Variants in SYNJ2BP observed in about 807,000 individuals in gnomAD.
SYNJ2BP encodes synaptojanin 2 binding protein.
In SYNJ2BP, 10 loss-of-function variants were observed where a neutral mutation model predicts 16.9. The observed-to-expected ratio is 0.59, with a 90% CI of 0.36 to 1.00. The LOEUF is 1.00. Among genes scored for constraint, SYNJ2BP ranks in the 50% least tolerant of loss-of-function variants. The probability of loss-of-function intolerance (pLI) is 0.01; values close to 1 mark genes in which losing one functional copy is unlikely to be tolerated. For synonymous variants in SYNJ2BP, 54 were observed against 68.4 expected, an observed-to-expected ratio of 0.79 and a Z score of 1.04; for missense variants, 162 against 186.7, an observed-to-expected ratio of 0.87 and a Z score of 0.77.
At chr14:70,414,754 GAAC>G (rs1407779193) in intron 1 of SYNJ2BP, among the ~76,000 whole-genome samples, 3 of 152,150 alleles carry the variant, frequency 2.0e-5, no homozygotes, top group East Asian at 1.9e-4. Flanking sequence ...AACAGGAGCA[GAAC>G]AACTAGAGCC....
At chr14:70,390,529 A>G (rs1887957498) in intron 1 of SYNJ2BP, among the ~76,000 whole-genome samples, 1 of 152,010 alleles carries the variant, frequency 6.6e-6, no homozygotes, top group African/African-American at 2.4e-5. Flanking sequence ...TCACCTGGGC[A>G]TGGTGGCAGG....
chr14:70,404,348 T>A (rs1277938897), intron 1 of SYNJ2BP, among the ~76,000 whole-genome samples: 3 of 152,162 alleles, frequency 2.0e-5, no homozygotes, highest in Non-Finnish European at 4.4e-5. Context: ...TCTATACAAG[T>A]CTAACTTTTA....
At chr14:70,403,064 A>C (rs1888273911) in intron 1 of SYNJ2BP, among the ~76,000 whole-genome samples, 1 of 152,200 alleles carries the variant, frequency 6.6e-6, no homozygotes, top group African/African-American at 2.4e-5. Context: ...TGGTATATAG[A>C]TATAAGTTCT....
intron 1 of SYNJ2BP, among the ~76,000 whole-genome samples, chr14:70,400,549 A>G (rs1450608688): frequency 6.6e-6 from 1 of 152,212 alleles, no homozygotes; most frequent in Non-Finnish European, 1.5e-5. Flanking sequence ...TGAATTTAGT[A>G]TTCCCACACA....
At chr14:70,373,474 A>C (rs754513469) in intron 3 of SYNJ2BP, among the ~76,000 whole-genome samples, 7 of 152,228 alleles carry the variant, frequency 4.6e-5, no homozygotes, top group Non-Finnish European at 1.0e-4. Context: ...ATGATCTTAT[A>C]GGGAACTTGG....
chr14:70,404,857 G>C (rs774357143), intron 1 of SYNJ2BP, among the ~76,000 whole-genome samples: 2 of 152,150 alleles, frequency 1.3e-5, no homozygotes, highest in Non-Finnish European at 2.9e-5. Flanking sequence ...CAGGTATAGC[G>C]GTTCACGCCT....
rs1051931895 is a variant in SYNJ2BP at position 70,384,532 on chromosome 14, C to T, written c.201+3938G>A. ...CAGGCTGTTTCATAGTATTTCTTAA[C>T]GAATGGGATCTAGAAAGAAGAATTT... On this transcript the variant is annotated intron_variant, in intron 2 of 3. Coordinates refer to ENST00000256366, the MANE Select transcript of SYNJ2BP (RefSeq NM_018373.3). 2.7e-4 allele frequency among the ~76,000 whole-genome samples: 41 copies of T among 152,222 alleles called. 1 individual carries two copies. Among genetic ancestry groups the T allele is most frequent in the Admixed American group, 1.6e-3 (25 of 15,298 alleles).
chr14:70,383,494 C>T (rs1191715829), intron 2 of SYNJ2BP, among the ~76,000 whole-genome samples: 1 of 152,190 alleles, frequency 6.6e-6, no homozygotes, highest in Admixed American at 6.5e-5. Context: ...TGAAATGAAG[C>T]TGGCTAATGG....
At chr14:70,408,867 T>G (rs1888408444) in intron 1 of SYNJ2BP, among the ~76,000 whole-genome samples, 1 of 152,116 alleles carries the variant, frequency 6.6e-6, no homozygotes, top group Non-Finnish European at 1.5e-5. Flanking sequence ...TGAGTCTCGC[T>G]GTATCGCCCA....
chr14:70,392,548 A>G (rs1043256460), intron 1 of SYNJ2BP, among the ~76,000 whole-genome samples: 4 of 152,342 alleles, frequency 2.6e-5, no homozygotes, highest in Admixed American at 1.3e-4. Flanking sequence ...ATAAGGCGCT[A>G]GGAGTAGTTG....
chr14:70,367,659 T>C lies in SYNJ2BP; in HGVS notation c.*5332A>G, dbSNP rs1234727479. 6.6e-6 allele frequency: 1 copy of C among 152,046 alleles called. No individual in the cohort carries two copies. Among genetic ancestry groups the C allele is most frequent in the Non-Finnish European group, 1.5e-5 (1 of 68,010 alleles). 9.4% of individuals were successfully genotyped at this position (152,046 alleles called of 1,614,324 possible). On this transcript the variant is annotated 3_prime_UTR_variant, in exon 4 of 4. Transcript: ENST00000256366. ...TTCTTTTTTATCACAATTGCCCTTTTGGATGTGAGTGCTGGTCTCAAAAAG... is the reference window on the plus strand; with the variant it reads ...TTCTTTTTTATCACAATTGCCCTTTCGGATGTGAGTGCTGGTCTCAAAAAG...
chr14:70,372,831 G>T lies in SYNJ2BP; in HGVS notation c.*160C>A. 1 of 1,052,572 alleles carries T rather than the reference G, an allele frequency of 9.5e-7. No individual in the cohort carries two copies. Among genetic ancestry groups the T allele is most frequent in the Non-Finnish European group, 1.4e-6 (1 of 736,178 alleles). 65.2% of individuals were successfully genotyped at this position (1,052,572 alleles called of 1,614,324 possible). ...AAACAATACCTTTACTTTCCCATTA[G>T]AATATGAAGAATTGGAGACTGTGAA... On this transcript the variant is annotated 3_prime_UTR_variant, in exon 4 of 4. Transcript: ENST00000256366.
intron 3 of SYNJ2BP, among the ~76,000 whole-genome samples, chr14:70,374,587 T>C (rs1294494415): frequency 6.6e-6 from 1 of 152,218 alleles, no homozygotes; most frequent in Non-Finnish European, 1.5e-5. Flanking sequence ...ATCCAAATTA[T>C]AAAACACTTG....
At position 70,412,670 on chromosome 14, in the gene SYNJ2BP, T is replaced by C. The variant is rs73290386; in HGVS notation, c.64+4230A>G. 7.7e-3 allele frequency among the ~76,000 whole-genome samples: 1,160 copies of C among 150,720 alleles called. 15 individuals are homozygous for C. Among genetic ancestry groups the C allele is most frequent in the African/African-American group, 0.027 (1,112 of 40,892 alleles). On this transcript the variant is annotated intron_variant, in intron 1 of 3. Transcript: ENST00000256366. ...CGGAAAGACAATACCTCCTTTAGTA[T>C]TCATTATTAAAACACTGCCATCAAC...
intron 1 of SYNJ2BP, among the ~76,000 whole-genome samples, chr14:70,391,945 C>T (rs76430049): frequency 1.3e-5 from 2 of 152,188 alleles, no homozygotes; most frequent in Non-Finnish European, 2.9e-5. Flanking sequence ...TATCTATAAG[C>T]CAAAGCATTG....
At chr14:70,410,158 T>C (rs548771643) in intron 1 of SYNJ2BP, among the ~76,000 whole-genome samples, 1 of 152,068 alleles carries the variant, frequency 6.6e-6, no homozygotes, top group South Asian at 2.1e-4. Flanking sequence ...CTCACGCCTG[T>C]AATCCCAGCA....
chr14:70,397,643 C>A (rs913328684), intron 1 of SYNJ2BP, among the ~76,000 whole-genome samples: 1 of 152,172 alleles, frequency 6.6e-6, no homozygotes, highest in African/African-American at 2.4e-5. Context: ...CTTGGAGATG[C>A]CAGGAACCGT....
intron 1 of SYNJ2BP, among the ~76,000 whole-genome samples, chr14:70,410,821 T>C (rs1888456276): frequency 6.6e-6 from 1 of 151,972 alleles, no homozygotes; most frequent in African/African-American, 2.4e-5. Flanking sequence ...TAATAACACA[T>C]AGACACACAG....
In SYNJ2BP at chr14:70,398,495, G is replaced by A. The variant is rs531812294; in HGVS notation, c.65-9889C>T. Among the ~76,000 whole-genome samples, 488 of 152,350 alleles carry A rather than the reference G, an allele frequency of 3.2e-3. 3 individuals are homozygous for A. The highest frequency in any genetic ancestry group is 3.9e-3 in the Non-Finnish European group (263 of 68,030). On this transcript the variant is annotated intron_variant, in intron 1 of 3. Transcript: ENST00000256366. ...AGTCCAGAGAGGGCTGAGGCAGCAAGGGGCTGGTGTGTCAGCACTGCCCTA... is the reference window on the plus strand; with the variant it reads ...AGTCCAGAGAGGGCTGAGGCAGCAAAGGGCTGGTGTGTCAGCACTGCCCTA...
Sources: allele counts gnomAD v4.1 joint callset (sites outside exome capture counted in the v4.1 genomes callset), GRCh38; gene constraint gnomAD v4.1.1; transcripts MANE v1.5; gene names NCBI Gene and HGNC (gene_info 2026-07-23, HGNC 2026-07-21).